Variants in BICC1 observed in about 807,000 individuals in gnomAD.
The protein encoded by BICC1 is protein bicaudal C homolog 1.
In BICC1, 43 loss-of-function variants were observed where a neutral mutation model predicts 111.0. The observed-to-expected ratio is 0.39, with a 90% confidence interval of 0.30 to 0.50. BICC1 has a LOEUF of 0.50. BICC1 is among the 20% of genes least tolerant of loss of function. BICC1 has a pLI of 0.88. For missense variants in BICC1, 1,091 were observed against 1,203.2 expected (o/e 0.91, Z 1.38); for synonymous variants, 467 against 434.4 (o/e 1.07, Z -0.93).
chr10:58,561,564 A>T (rs1007350426), intron 1 of BICC1, among the ~76,000 whole-genome samples: 5 of 152,044 alleles, frequency 3.3e-5, no homozygotes, highest in Admixed American at 3.3e-4. Flanking sequence ...CAGGATTACT[A>T]TTGATAGGTG....
intron 1 of BICC1, among the ~76,000 whole-genome samples, chr10:58,553,351 A>G (rs907753533): frequency 6.6e-6 from 1 of 152,178 alleles, no homozygotes; most frequent in Admixed American, 6.6e-5. Context: ...GAGGAATTCA[A>G]TGTGAGAGCA....
At chr10:58,745,599 A>ACCCCCCCCCCCCCC (rs1564589090) in intron 3 of BICC1, among the ~76,000 whole-genome samples, 1 of 41,704 alleles carries the variant, frequency 2.4e-5, no homozygotes, top group Non-Finnish European at 4.7e-5. Flanking sequence ...AGAGCCCCCC[A>ACCCCCCCCCCCCCC]CCGCCCCCCC....
At chr10:58,517,069 C>A (rs7094882) in intron 1 of BICC1, among the ~76,000 whole-genome samples, 2 of 151,980 alleles carry the variant, frequency 1.3e-5, no homozygotes, top group East Asian at 1.9e-4. Flanking sequence ...ATATATAACA[C>A]AGCACTTCAA....
chr10:58,719,933 G>A (rs992143073), intron 3 of BICC1, among the ~76,000 whole-genome samples: 3 of 152,118 alleles, frequency 2.0e-5, no homozygotes, highest in Admixed American at 1.3e-4. Flanking sequence ...AATCAGACAA[G>A]CCTACTTCTT....
chr10:58,696,419 T>C (rs926014916), intron 2 of BICC1, among the ~76,000 whole-genome samples: 3 of 152,130 alleles, frequency 2.0e-5, no homozygotes, highest in Non-Finnish European at 4.4e-5. Flanking sequence ...GGGCAAGCCC[T>C]TTTTTTACTA....
chr10:58,566,169 T>C (rs1280563058), intron 1 of BICC1, among the ~76,000 whole-genome samples: 1 of 151,932 alleles, frequency 6.6e-6, no homozygotes, highest in Non-Finnish European at 1.5e-5. Context: ...TGTGTATATA[T>C]ACATATACAC....
chr10:58,547,065 G>A (rs760551121), intron 1 of BICC1, among the ~76,000 whole-genome samples: 24 of 152,044 alleles, frequency 1.6e-4, no homozygotes, highest in Non-Finnish European at 3.1e-4. Flanking sequence ...ATAGTACAGC[G>A]AGTCCCCCTA....
At chr10:58,583,600 G>C (rs1278880350) in intron 1 of BICC1, among the ~76,000 whole-genome samples, 109 of 151,570 alleles carry the variant, frequency 7.2e-4, no homozygotes, top group Middle Eastern at 3.4e-3. Context: ...GTGTGTGTGT[G>C]TGTGTGTGTG....
Position 58,743,297 on chromosome 10 carries a change from C to T in BICC1, c.307+41154C>T, listed in dbSNP as rs553078176. On this transcript the variant is annotated intron_variant, in intron 3 of 20. Coordinates refer to ENST00000373886, the MANE Select transcript of BICC1 (RefSeq NM_001080512.3). Reference sequence around the variant, plus strand: ...TGATTTCTTAAGAAAATACTATCTCCAGGTCTCTCATCAATACCAGTCTGG... The same window carrying T: ...TGATTTCTTAAGAAAATACTATCTCTAGGTCTCTCATCAATACCAGTCTGG... Among the ~76,000 whole-genome samples the T allele has an allele frequency of 4.6e-5, 7 of 152,076 alleles. No homozygotes were observed. The East Asian group carries it at 1.4e-3, about 29-fold the overall frequency.
At chr10:58,774,431 A>G (rs1015753102) in intron 3 of BICC1, among the ~76,000 whole-genome samples, 1 of 152,216 alleles carries the variant, frequency 6.6e-6, no homozygotes, top group African/African-American at 2.4e-5. Context: ...AAAGTAAAGG[A>G]TGTAATTTGA....
chr10:58,822,175 T>G (rs1449454477), intron 20 of BICC1, among the ~76,000 whole-genome samples: 1 of 152,164 alleles, frequency 6.6e-6, no homozygotes, highest in Non-Finnish European at 1.5e-5. Context: ...TGTTGAAATA[T>G]GCCTGCAGGC....
At chr10:58,740,737 A>G (rs1841634102) in intron 3 of BICC1, among the ~76,000 whole-genome samples, 1 of 152,112 alleles carries the variant, frequency 6.6e-6, no homozygotes, top group South Asian at 2.1e-4. Context: ...GGAGTGACTA[A>G]CTCATTCTGG....
At chr10:58,648,438 G>C (rs547526079) in intron 2 of BICC1, 2 of 880,652 alleles carry the variant, frequency 2.3e-6, no homozygotes, top group African/African-American at 3.6e-5. Context: ...AGCCAAAAAA[G>C]GCATTTATTA....
At chr10:58,762,606 G>C (rs962819324) in intron 3 of BICC1, among the ~76,000 whole-genome samples, 2 of 151,906 alleles carry the variant, frequency 1.3e-5, no homozygotes, top group Non-Finnish European at 2.9e-5. Flanking sequence ...GGTCAGTCCT[G>C]CTGCAGGGAA....
chr10:58,804,148 A>G (rs1189106230), intron 15 of BICC1, among the ~76,000 whole-genome samples: 1 of 152,130 alleles, frequency 6.6e-6, no homozygotes, highest in Non-Finnish European at 1.5e-5. Flanking sequence ...TTGCATTGGA[A>G]CATTTTCCTA....
intron 1 of BICC1, among the ~76,000 whole-genome samples, chr10:58,549,762 TG>T (rs1347748269): frequency 6.6e-6 from 1 of 151,060 alleles, no homozygotes; most frequent in African/African-American, 2.4e-5. Flanking sequence ...CTCGGCTCAC[TG>T]CAACCTCCGC....
intron 2 of BICC1, among the ~76,000 whole-genome samples, chr10:58,649,472 G>A (rs1459324126): frequency 6.6e-6 from 1 of 152,080 alleles, no homozygotes; most frequent in Non-Finnish European, 1.5e-5. Context: ...GGTATCAGAG[G>A]GTAAGGAGAC....
chr10:58,796,715 C>G (rs1843366066), intron 10 of BICC1, among the ~76,000 whole-genome samples, 189 bp downstream of exon 10: 2 of 151,888 alleles, frequency 1.3e-5, no homozygotes, highest in South Asian at 4.2e-4. Flanking sequence ...GATTTGTTAC[C>G]CAGATTCTTC....
intron 3 of BICC1, among the ~76,000 whole-genome samples, chr10:58,747,414 G>C (rs927921584): frequency 6.6e-6 from 1 of 152,116 alleles, no homozygotes; most frequent in Non-Finnish European, 1.5e-5. Flanking sequence ...TGATGTAAGA[G>C]ATAAGTATGC....
Sources: allele counts gnomAD v4.1 joint callset (sites outside exome capture counted in the v4.1 genomes callset), GRCh38; gene constraint gnomAD v4.1.1; transcripts MANE v1.5; gene names NCBI Gene and HGNC (gene_info 2026-07-23, HGNC 2026-07-21).